The following SIDT2 variants were observed in gnomAD, a reference collection of about 807,000 sequenced individuals.
SIDT2 encodes SID1 transmembrane family member 2.
In SIDT2, 68 loss-of-function variants were observed where a neutral mutation model predicts 114.4. That is an observed-to-expected ratio of 0.59 (90% confidence interval 0.49 to 0.73). SIDT2 has a LOEUF of 0.73. Among genes scored for constraint, SIDT2 ranks in the 30% least tolerant of loss-of-function variants. SIDT2 has a pLI of 0.00. For synonymous variants in SIDT2, 470 were observed against 438.4 expected, an observed-to-expected ratio of 1.07 and a Z score of -0.90; for missense variants, 918 against 1,097.1, an observed-to-expected ratio of 0.84 and a Z score of 2.31.
chr11:117,183,705 G>A, intron 6 of SIDT2, 74 bp from the exon 7 acceptor site: 2 of 1,060,448 alleles, frequency 1.9e-6, no homozygotes, highest in Non-Finnish European at 2.9e-6. Context: ...ATAATGTCTG[G>A]CCCCAGAACA....
intron 1 of SIDT2, among the ~76,000 whole-genome samples, chr11:117,180,531 CTTT>C (rs35242634): frequency 1.9e-3 from 158 of 82,398 alleles, no homozygotes; most frequent in African/African-American, 7.6e-3. Flanking sequence ...ATCACTTTAT[CTTT>C]TTTTTTTTTT....
intron 4 of SIDT2, 128 bp from the exon 5 acceptor site, chr11:117,182,391 C>A: frequency 1.2e-6 from 1 of 831,528 alleles, no homozygotes. Context: ...CCTGTCTCCT[C>A]GGAGAGCCTC....
Position 117,196,344 on chromosome 11 carries a change from C to T in SIDT2, c.*278C>T. On this transcript the variant is annotated 3_prime_UTR_variant, in exon 26 of 26. Coordinates refer to ENST00000324225, the MANE Select transcript of SIDT2 (RefSeq NM_001040455.2). This position sits in a 1 kb window ranked among gnomAD's most constrained non-coding sequence, Gnocchi z 4.9. The stretch of plus-strand genomic sequence containing the variant: ...TCTCAGTGTTGGGGCCTTCCATGGG[C>T]CCCTGTCCTTTGGCTCTCCATTTGT... 4.0e-6 allele frequency: 2 copies of T among 496,064 alleles called. No individual in the cohort carries two copies. Among genetic ancestry groups the T allele is most frequent in the East Asian group, 3.5e-5 (1 of 28,652 alleles). The allele number at this position is 496,064 out of a possible 1,614,324, so 30.7% of individuals were successfully genotyped here.
At chr11:117,186,319 C>G (rs889280126) in intron 9 of SIDT2, 96 bp downstream of exon 9, 1 of 1,109,570 alleles carries the variant, frequency 9.0e-7, no homozygotes, top group Admixed American at 1.8e-5. Context: ...CTAGGGTAAT[C>G]TACACCATCC....
At chr11:117,189,275 T>G (rs539978648) in intron 14 of SIDT2, 33 bp downstream of exon 14, 10 of 1,614,084 alleles carry the variant, frequency 6.2e-6, no homozygotes, top group Middle Eastern at 3.3e-4. Context: ...GCTCTGCTGT[T>G]GGTGGGTGTG....
In SIDT2 at chr11:117,188,688, T is replaced by A; in HGVS notation, c.1160-20T>A. ...GTTTTGTGTCCACCGGTGCAACCCCTCCCTCCCTGCCCTTTCCAGGCCGCT... is the reference window on the plus strand; with the variant it reads ...GTTTTGTGTCCACCGGTGCAACCCCACCCTCCCTGCCCTTTCCAGGCCGCT... On this transcript the variant is annotated intron_variant, in intron 12 of 25. Transcript: ENST00000324225. This position sits in a 1 kb window ranked among gnomAD's most constrained non-coding sequence, Gnocchi z 4.0. The A allele has an allele frequency of 1.1e-5, 17 of 1,568,792 alleles. No individual in the cohort carries two copies. Among genetic ancestry groups the A allele is most frequent in the Non-Finnish European group, 1.4e-5 (16 of 1,138,644 alleles).
In SIDT2 at chr11:117,182,102, C is replaced by T. The variant is rs201596860; in HGVS notation, c.513C>T (p.Pro171=). The change falls in exon 4 of 26, where the codon CCC becomes CCT. Residue 171 remains proline (P), a synonymous_variant. Coordinates refer to ENST00000324225, the MANE Select transcript of SIDT2 (RefSeq NM_001040455.2). The part of the protein sequence containing the change: ...QFSFNTTAAQ[P]QYFKYEFPEG... ...GCTTCAATACCACAGCAGCACAGCC[C>T]CAGGTAACATCTCCCTGTTGATTGC... is the stretch of plus-strand genomic sequence containing the variant. The T allele has an allele frequency of 2.5e-5, 40 of 1,613,898 alleles. No individual in the cohort carries two copies. In the East Asian group the frequency reaches 8.9e-4, roughly 36 times the overall value.
chr11:117,194,095 G>A (rs749285170), intron 24 of SIDT2, 132 bp downstream of exon 24: 25 of 661,408 alleles, frequency 3.8e-5, no homozygotes, highest in Admixed American at 2.8e-4. Context: ...CACTTGAGGC[G>A]TTCAAGACCA....
rs1487869307 is a variant in SIDT2, at chr11:117,182,691, C to G, written c.619-32C>G. On this transcript the variant is annotated intron_variant, in intron 5 of 25. Transcript: ENST00000324225. Reference sequence around the variant, plus strand: ...GCTAAAGAGAGGGGCAGGCCAGGTTCCCATCCATCTGCCTCTCCCGCCCCT... The same window carrying G: ...GCTAAAGAGAGGGGCAGGCCAGGTTGCCATCCATCTGCCTCTCCCGCCCCT... 4 of 1,613,846 alleles carry G rather than the reference C, an allele frequency of 2.5e-6. No homozygotes were observed. The African/African-American group carries it at 5.3e-5, about 22-fold the overall frequency.
At position 117,189,400 on chromosome 11, in the gene SIDT2, C is replaced by G; in HGVS notation, c.1418C>G (p.Thr473Arg). The change falls in exon 15 of 26, where the codon ACG becomes AGG. Residue 473 changes from threonine to arginine, a missense_variant and splice_region_variant. Physicochemically the swap from Thr to Arg is moderately conservative, Grantham distance 71. Transcript: ENST00000324225. ...PVVQLVITYQ[T>R]VVNVTGNQDI... ...GTGCAGCTGGTGATCACCTACCAGA[C>G]GGTGAGAGGGCAGGGCAGGTTCACC... 6.2e-7 allele frequency: 1 copy of G among 1,613,976 alleles called. No individual in the cohort carries two copies. The highest frequency in any genetic ancestry group is 2.2e-5 in the East Asian group (1 of 44,878).
In SIDT2 at chr11:117,183,787, C is replaced by T. The variant is rs530102965; in HGVS notation, c.711C>T (p.Asp237=). 146 of 1,612,834 alleles carry T rather than the reference C, an allele frequency of 9.1e-5. 1 individual carries two copies. In the South Asian group the frequency reaches 1.5e-3, roughly 16 times the overall value. ...KKAAITVQRK[D]FPSNSFYVVV... ...TCATCATCATCCTGCAGCGCAAAGA[C>T]TTCCCCAGCAACAGCTTTTATGTGG... Residue 237 remains aspartate (D), a synonymous_variant, in exon 7 of 26, where the codon GAC becomes GAT. Transcript: ENST00000324225.
In SIDT2 at chr11:117,179,396, A is replaced by T; in HGVS notation, c.133A>T (p.Ser45Cys). ...GCGCACCTACGTGGACGAGGTCAAC[A>T]GCGAGCTGGTCAACATCTACACCTT... ...FERTYVDEVNSELVNIYTFNH... is the reference protein window; with the variant it reads ...FERTYVDEVNCELVNIYTFNH... Residue 45 changes from serine to cysteine, a missense_variant, in exon 1 of 26, where the codon AGC (serine) becomes TGC (cysteine). Coordinates refer to ENST00000324225, the MANE Select transcript of SIDT2 (RefSeq NM_001040455.2). 3 of 1,614,082 alleles carry T rather than the reference A, an allele frequency of 1.9e-6. No homozygotes were observed. Among genetic ancestry groups the T allele is most frequent in the Non-Finnish European group, 2.5e-6 (3 of 1,180,024 alleles).
chr11:117,193,786 T>TGGGGGGGACAGCG, intron 23 of SIDT2, 67 bp from the exon 24 acceptor site: 1 of 1,166,138 alleles, frequency 8.6e-7, no homozygotes. Context: ...TGGGAAAGGC[T>TGGGGGGGACAGCG]GGGTGGGACA....
In SIDT2 at chr11:117,181,488, CAGA is replaced by C; in HGVS notation, c.259_261del (p.Lys87del). ...GGCGCCGTTGCTGTTTGTGGTCCGC[CAGA>C]AGGAGGCTGTGGTGTCCTTCCAGGT... is the stretch of plus-strand genomic sequence containing the variant. On this transcript the variant is annotated inframe_deletion, in exon 2 of 26. Transcript: ENST00000324225. 1.9e-6 allele frequency: 3 copies of C among 1,613,828 alleles called. No individual in the cohort carries two copies. The highest frequency in any genetic ancestry group is 1.1e-5 in the South Asian group (1 of 91,046).
At chr11:117,193,303 C>A in intron 23 of SIDT2, 45 bp downstream of exon 23, 2 of 1,511,412 alleles carry the variant, frequency 1.3e-6, no homozygotes, top group Non-Finnish European at 1.8e-6. Flanking sequence ...GCTCTGCTAT[C>A]TGGGGAGAGA....
intron 23 of SIDT2, among the ~76,000 whole-genome samples, chr11:117,193,644 G>A (rs1300466748): frequency 1.3e-5 from 2 of 152,324 alleles, no homozygotes; most frequent in Admixed American, 6.5e-5. Flanking sequence ...TCCCGACACA[G>A]GGTTCTGGAT....
Position 117,189,166 on chromosome 11 carries a change from C to T in SIDT2, c.1279-3C>T, listed in dbSNP as rs201226793. The T allele has an allele frequency of 1.7e-5, 27 of 1,614,186 alleles. No homozygotes were observed. Among genetic ancestry groups the T allele is most frequent in the Non-Finnish European group, 2.3e-5 (27 of 1,179,986 alleles). The stretch of plus-strand genomic sequence containing the variant: ...AGTGGGGCTGATTCCAGCTTCTCCC[C>T]AGCAATACCTCTATGTGGCTGACCT... On this transcript the variant is annotated splice_polypyrimidine_tract_variant and splice_region_variant and intron_variant, in intron 13 of 25. Transcript: ENST00000324225.
At position 117,193,323 on chromosome 11, in the gene SIDT2, G is replaced by C. The variant is rs138628274; in HGVS notation, c.2211+65G>C. On this transcript the variant is annotated intron_variant, in intron 23 of 25. Transcript: ENST00000324225. ...GCTATCTGGGGAGAGAGATGGGCCC[G>C]GCAGCATTGAGGGGCAGTGAGAAGT... 5 of 1,366,128 alleles carry C rather than the reference G, an allele frequency of 3.7e-6. No individual in the cohort carries two copies. In the African/African-American group the frequency reaches 5.8e-5, roughly 16 times the overall value. The allele number at this position is 1,366,128 out of a possible 1,614,324, so 84.6% of individuals were successfully genotyped here.
chr11:117,179,316 G>T lies in SIDT2; in HGVS notation c.53G>T (p.Ser18Ile). 5 of 1,614,180 alleles carry T rather than the reference G, an allele frequency of 3.1e-6. No individual in the cohort carries two copies. Among genetic ancestry groups the T allele is most frequent in the Non-Finnish European group, 4.2e-6 (5 of 1,180,032 alleles). The change falls in exon 1 of 26, where the codon AGC (serine) becomes ATC (isoleucine). Residue 18 changes from serine to isoleucine, a missense_variant. Physicochemically the swap from Ser to Ile is moderately radical, Grantham distance 142 (BLOSUM62 -2). Around this residue, in one of 4 missense-constraint regions of SIDT2, gnomAD observed 553 missense variants for 600.1 expected, o/e 0.92. Transcript: ENST00000324225. ...GTGCTCTTGGTGGCCTCGGTCGAGA[G>T]CCATCTGGGGGTTCTGGGGCCCAAG... ...FLVLLVASVESHLGVLGPKNV... is the reference protein window; with the variant it reads ...FLVLLVASVEIHLGVLGPKNV...
Sources: allele counts gnomAD v4.1 joint callset (sites outside exome capture counted in the v4.1 genomes callset), GRCh38; gene constraint gnomAD v4.1.1; regional missense constraint gnomAD v4.1.1; non-coding constraint Gnocchi (gnomAD v3.1); transcripts MANE v1.5; gene names NCBI Gene and HGNC (gene_info 2026-07-23, HGNC 2026-07-21).